FAN1: variants seen among roughly 807,000 people sequenced by gnomAD.
FAN1 encodes FANCD2 and FANCI associated nuclease 1.
A neutral mutation model predicts 104.9 loss-of-function variants in FAN1; 91 were observed. The ratio of observed to expected loss-of-function variants is 0.87; its 90% CI spans 0.73 to 1.03. The LOEUF is 1.03. FAN1 is among the 50% of genes least tolerant of loss of function. The pLI, the probability that FAN1 is intolerant of heterozygous loss-of-function variation, is 0.00. For missense variants in FAN1, 1,263 were observed against 1,239.9 expected, an observed-to-expected ratio of 1.02 and a Z score of -0.28; for synonymous variants, 478 against 457.6, an observed-to-expected ratio of 1.04 and a Z score of -0.57.
intron 11 of FAN1, among the ~76,000 whole-genome samples, 172 bp from the exon 12 acceptor site, chr15:30,929,031 C>CT (rs2062544667): frequency 6.6e-6 from 1 of 152,154 alleles, no homozygotes; most frequent in African/African-American, 2.4e-5. Flanking sequence ...AATTATTACT[C>CT]TAAAAAACAA....
Position 30,929,337 on chromosome 15 carries a change from G to A in FAN1, c.2727G>A (p.Gln909=). 1.9e-6 allele frequency: 3 copies of A among 1,611,704 alleles called. No individual in the cohort carries two copies. Among genetic ancestry groups the A allele is most frequent in the Non-Finnish European group, 2.5e-6 (3 of 1,179,036 alleles). Reference sequence around the variant, plus strand: ...GGGTGGCAGCCACGTGGCATGAGCAGGAAGGCAGAGTGGCTTCCCTTGTCA... The same window carrying A: ...GGGTGGCAGCCACGTGGCATGAGCAAGAAGGCAGAGTGGCTTCCCTTGTCA... ...RAWVAATWHE[Q]EGRVASLVSW... is the part of the protein sequence containing the mutation. Residue 909 remains glutamine (Q), a synonymous_variant, in exon 12 of 15, where the codon CAG becomes CAA. Transcript: ENST00000362065.
chr15:30,919,673 A>G (rs1209288425), intron 6 of FAN1, among the ~76,000 whole-genome samples: 1 of 148,346 alleles, frequency 6.7e-6, no homozygotes, highest in Non-Finnish European at 1.5e-5. Flanking sequence ...TGGGTGACAG[A>G]GCGAGACTCT....
chr15:30,913,387 G>C (rs1450150448), intron 4 of FAN1, among the ~76,000 whole-genome samples: 1 of 152,178 alleles, frequency 6.6e-6, no homozygotes, highest in Non-Finnish European at 1.5e-5. Flanking sequence ...CTGCGCTAGA[G>C]AACAGCACCA....
intron 6 of FAN1, among the ~76,000 whole-genome samples, chr15:30,919,426 C>T (rs1159601581): frequency 1.3e-5 from 2 of 148,960 alleles, no homozygotes; most frequent in Non-Finnish European, 3.0e-5. Context: ...CGTGGTGGCT[C>T]ATGCCTGTAA....
At chr15:30,939,546 T>C in intron 14 of FAN1, 1 of 969,670 alleles carries the variant, frequency 1.0e-6, no homozygotes. Flanking sequence ...TAAAAGTATT[T>C]TACATTTGAT....
chr15:30,929,846 AATATATATC>A (rs2062630698), intron 12 of FAN1, among the ~76,000 whole-genome samples: 1 of 78,284 alleles, frequency 1.3e-5, no homozygotes, highest in African/African-American at 7.5e-5. Context: ...TAATATATAA[AATATATATC>A]ATATATAATA....
chr15:30,928,506 TTGTG>T (rs61136501), intron 10 of FAN1, 43 bp from the exon 11 acceptor site: 1,664 of 1,480,194 alleles, frequency 1.1e-3, no homozygotes, highest in South Asian at 2.7e-3. Context: ...AAAACAGATT[TTGTG>T]TGTGTGTGTG....
At chr15:30,929,429 C>T (rs1448982653) in intron 12 of FAN1, 32 bp downstream of exon 12, 13 of 1,560,826 alleles carry the variant, frequency 8.3e-6, no homozygotes, top group East Asian at 2.3e-5. Context: ...AGGATTTGCT[C>T]AGAAAGTTAA....
chr15:30,910,924 G>A, intron 4 of FAN1, 109 bp downstream of exon 4: 2 of 1,413,652 alleles, frequency 1.4e-6, no homozygotes, highest in South Asian at 1.7e-5. Context: ...TTCAGTTGTA[G>A]TTAGATTGAG....
rs143252819 is a variant in FAN1 at position 30,940,956 on chromosome 15, C to G, written c.*4-610C>G. ...GATCTAAGGTTCCAAAGAAGGTGAT[C>G]TAAAATCATAAATTCTGGCCCCAGA... On this transcript the variant is annotated intron_variant, in intron 14 of 14. Transcript: ENST00000362065. 60 of 1,093,012 alleles carry G rather than the reference C, an allele frequency of 5.5e-5. No individual in the cohort carries two copies. The African/African-American group carries it at 9.8e-4, about 18-fold the overall frequency. The allele number at this position is 1,093,012 out of a possible 1,614,324, so 67.7% of individuals were successfully genotyped here.
intron 10 of FAN1, chr15:30,927,431 G>C: frequency 1.0e-6 from 1 of 985,642 alleles, no homozygotes; most frequent in Non-Finnish European, 1.2e-6. Context: ...CCCTGAGACG[G>C]GCTGCAGGGA....
At chr15:30,931,133 G>A (rs1267248703) in intron 13 of FAN1, among the ~76,000 whole-genome samples, 1 of 152,178 alleles carries the variant, frequency 6.6e-6, no homozygotes, top group Non-Finnish European at 1.5e-5. Context: ...GATGTGCTTA[G>A]TTCACATTGC....
At chr15:30,919,284 G>T (rs901580323) in intron 6 of FAN1, among the ~76,000 whole-genome samples, 8 of 151,170 alleles carry the variant, frequency 5.3e-5, no homozygotes, top group African/African-American at 2.0e-4. Flanking sequence ...GGAGGCTGAG[G>T]CAGGAGAATC....
chr15:30,918,286 C>A lies in FAN1; in HGVS notation c.1934C>A (p.Pro645His). ...GATTGGAACAGACTGAAAAACCACC[C>A]TTCTCTGAGGTGAGAGTTTTTCTAG... ...KRDWNRLKNH[P>H]SLRCHEDLPL... The change falls in exon 6 of 15, where the codon CCT (proline) becomes CAT (histidine). Residue 645 changes from proline to histidine, a missense_variant. By Grantham distance (77) the Pro-to-His change is moderately conservative (BLOSUM62 -2). Transcript: ENST00000362065. 6.2e-7 allele frequency: 1 copy of A among 1,614,084 alleles called. No homozygotes were observed.
chr15:30,906,465 G>A, intron 2 of FAN1: 1 of 456,724 alleles, frequency 2.2e-6, no homozygotes, highest in East Asian at 7.0e-5. Context: ...TATGCCTGAA[G>A]TCCTTGGCAG....
At chr15:30,908,348 C>A (rs2062028607) in intron 3 of FAN1, 90 bp downstream of exon 3, 1 of 1,140,442 alleles carries the variant, frequency 8.8e-7, no homozygotes. Flanking sequence ...ATGGTGCCCT[C>A]CCCGGGGTGG....
In FAN1 at chr15:30,905,352, T is replaced by C. The variant is rs920551872; in HGVS notation, c.689T>C (p.Met230Thr). The C allele has an allele frequency of 1.9e-6, 3 of 1,613,872 alleles. No individual in the cohort carries two copies. The highest frequency in any genetic ancestry group is 1.1e-5 in the South Asian group (1 of 91,070). ...SLKEECIPEHMVRGSKIMEAE... is the reference protein window; with the variant it reads ...SLKEECIPEHTVRGSKIMEAE... Reference sequence around the variant, plus strand: ...AAGGAAGAGTGCATTCCTGAACATATGGTAAGAGGAAGTAAAATAATGGAA... The same window carrying C: ...AAGGAAGAGTGCATTCCTGAACATACGGTAAGAGGAAGTAAAATAATGGAA... Residue 230 changes from methionine to threonine, a missense_variant, in exon 2 of 15, where the codon ATG becomes ACG. Transcript: ENST00000362065.
Position 30,920,611 on chromosome 15 carries a change from GTC to G in FAN1, c.2013_2014del (p.Arg672ValfsTer12). 6.2e-7 allele frequency: 1 copy of G among 1,612,122 alleles called. No homozygotes were observed. The highest frequency in any genetic ancestry group is 8.5e-7 in the Non-Finnish European group (1 of 1,179,174). On this transcript the variant is annotated frameshift_variant, in exon 7 of 15. Coordinates refer to ENST00000362065, the MANE Select transcript of FAN1 (RefSeq NM_014967.5). LOFTEE classifies it high-confidence loss of function. The stretch of plus-strand genomic sequence containing the variant: ...TTGGGTGGATTTATACAAGGATTTT[GTC>G]TCGGTTTGTGGAAATACTGCAGAGA... ...TVGWIYTRIL[S>X]RFVEILQRLH...
chr15:30,929,839 T>A (rs1383008515), intron 12 of FAN1, among the ~76,000 whole-genome samples: 1 of 62,076 alleles, frequency 1.6e-5, no homozygotes, highest in Non-Finnish European at 2.6e-5. Context: ...TATAATATAA[T>A]ATATAAAATA....
Sources: gnomAD v4.1 joint callset for allele counts (sites outside exome capture counted in the v4.1 genomes callset) on GRCh38, gnomAD v4.1.1 for gene constraint, MANE v1.5 for transcripts, NCBI Gene and HGNC (gene_info 2026-07-23, HGNC 2026-07-21) for gene names.